CWF19L2: variants seen among roughly 807,000 people sequenced by gnomAD.
CWF19L2 encodes the protein CWF19 like cell cycle control factor 2, also known as CWF19-like protein 2.
CWF19L2 carries 98 observed loss-of-function variants against 111.7 expected under a neutral mutation model. The observed-to-expected ratio is 0.88, with a 90% CI of 0.75 to 1.04. CWF19L2 has a LOEUF of 1.04. CWF19L2 is among the 50% of genes least tolerant of loss of function. The pLI is 0.00. For missense variants in CWF19L2, 1,101 were observed against 1,051.4 expected, an observed-to-expected ratio of 1.05 and a Z score of -0.65; for synonymous variants, 351 against 342.9, an observed-to-expected ratio of 1.02 and a Z score of -0.26.
At chr11:107,449,809 T>C (rs1455942115) in intron 3 of CWF19L2, among the ~76,000 whole-genome samples, 3 of 151,084 alleles carry the variant, frequency 2.0e-5, no homozygotes, top group Non-Finnish European at 4.4e-5. Context: ...AAAGAAAAAA[T>C]AGAAAAGGAA....
At chr11:107,457,585 A>G in intron 1 of CWF19L2, 127 bp downstream of exon 1, 2 of 662,086 alleles carry the variant, frequency 3.0e-6, no homozygotes, top group Admixed American at 5.6e-5. Flanking sequence ...TTGCAAAGGG[A>G]GAACTCACCC....
chr11:107,403,484 T>C (rs771564009), intron 10 of CWF19L2: 3 of 832,810 alleles, frequency 3.6e-6, no homozygotes, highest in Non-Finnish European at 6.3e-6. Flanking sequence ...AGTGTTACTA[T>C]CACTGGTTCC....
At chr11:107,381,527 G>A (rs1350475916) in intron 12 of CWF19L2, among the ~76,000 whole-genome samples, 1 of 152,044 alleles carries the variant, frequency 6.6e-6, no homozygotes, top group Non-Finnish European at 1.5e-5. Context: ...GATATCACAG[G>A]AACATATAAA....
At chr11:107,343,069 T>C (rs1480785006) in intron 14 of CWF19L2, among the ~76,000 whole-genome samples, 7 of 152,120 alleles carry the variant, frequency 4.6e-5, no homozygotes, top group African/African-American at 1.4e-4. Flanking sequence ...CATAAGAAAA[T>C]ACACTTCTAC....
chr11:107,426,259 C>G (rs1285987339), intron 8 of CWF19L2, among the ~76,000 whole-genome samples: 1 of 151,712 alleles, frequency 6.6e-6, no homozygotes, highest in Non-Finnish European at 1.5e-5. Flanking sequence ...TGGCAAACTT[C>G]ACTCATATTT....
At chr11:107,357,339 T>C (rs142128153) in intron 12 of CWF19L2, among the ~76,000 whole-genome samples, 40 of 152,304 alleles carry the variant, frequency 2.6e-4, no homozygotes, top group African/African-American at 9.4e-4. Context: ...TACTTAACAG[T>C]GGGAACGCAG....
chr11:107,356,747 CTG>C (rs1030772138), intron 12 of CWF19L2, among the ~76,000 whole-genome samples: 6 of 152,112 alleles, frequency 3.9e-5, no homozygotes, highest in Non-Finnish European at 7.4e-5. Context: ...AGATTAAAAA[CTG>C]AGGCTAGGCC....
chr11:107,434,262 G>A (rs570322865), intron 6 of CWF19L2, among the ~76,000 whole-genome samples: 5 of 151,884 alleles, frequency 3.3e-5, no homozygotes, highest in East Asian at 1.9e-4. Context: ...AACAAATAAG[G>A]AGGCTATGGA....
At chr11:107,424,286 TG>T (rs1178000495) in intron 8 of CWF19L2, among the ~76,000 whole-genome samples, 2 of 151,654 alleles carry the variant, frequency 1.3e-5, no homozygotes, top group Non-Finnish European at 3.0e-5. Context: ...CTTGCTCAGT[TG>T]CCCCATCTAT....
At chr11:107,349,107 A>T in intron 13 of CWF19L2, 54 bp from the exon 14 acceptor site, 1 of 873,128 alleles carries the variant, frequency 1.1e-6, no homozygotes, top group Non-Finnish European at 1.7e-6. Context: ...TATGTTATAT[A>T]TTTATATGTT....
intron 16 of CWF19L2, among the ~76,000 whole-genome samples, chr11:107,330,627 T>C (rs1292940239): frequency 2.1e-5 from 3 of 140,426 alleles, no homozygotes; most frequent in Non-Finnish European, 1.5e-5. Context: ...TTTCTCTCTC[T>C]ACACACACCC....
At chr11:107,378,767 TAA>T (rs1263771303) in intron 12 of CWF19L2, among the ~76,000 whole-genome samples, 1 of 151,704 alleles carries the variant, frequency 6.6e-6, no homozygotes, top group African/African-American at 2.4e-5. Context: ...TAAAGTATAA[TAA>T]TAATAAATAA....
chr11:107,359,307 A>G (rs1175630750), intron 12 of CWF19L2, among the ~76,000 whole-genome samples: 2 of 152,210 alleles, frequency 1.3e-5, no homozygotes, highest in Non-Finnish European at 2.9e-5. Flanking sequence ...CTGGCATGCC[A>G]TGCTTCTGCC....
At chr11:107,402,368 C>A (rs1278129356) in intron 10 of CWF19L2, among the ~76,000 whole-genome samples, 2 of 150,776 alleles carry the variant, frequency 1.3e-5, no homozygotes, top group Admixed American at 6.6e-5. Flanking sequence ...CTACAACGAA[C>A]TCAAACAAAT....
Position 107,326,765 on chromosome 11 carries a change from C to T in CWF19L2, c.*145G>A, listed in dbSNP as rs1309218935. 2 of 563,696 alleles carry T rather than the reference C, an allele frequency of 3.5e-6. No homozygotes were observed. The highest frequency in any genetic ancestry group is 6.0e-6 in the Non-Finnish European group (2 of 331,866). 34.9% of individuals were successfully genotyped at this position (563,696 alleles called of 1,614,324 possible). A position where few individuals can be genotyped will look rare whatever the true frequency, so the allele number is the denominator to read the frequency against. On this transcript the variant is annotated 3_prime_UTR_variant, in exon 18 of 18. Coordinates refer to ENST00000282251, the MANE Select transcript of CWF19L2 (RefSeq NM_152434.3). ...GGTGAAGAAGAAAACAACACAATCT[C>T]CTGATGTACAGTTGTCACTGACCCA...
At chr11:107,343,521 A>T (rs1196707608) in intron 14 of CWF19L2, among the ~76,000 whole-genome samples, 3 of 152,236 alleles carry the variant, frequency 2.0e-5, no homozygotes, top group Admixed American at 1.3e-4. Flanking sequence ...TGCAGACAGC[A>T]TATAGTTATG....
intron 9 of CWF19L2, 32 bp from the exon 10 acceptor site, chr11:107,416,330 G>A (rs747613461): frequency 9.4e-6 from 9 of 960,094 alleles, no homozygotes; most frequent in Middle Eastern, 2.4e-4. Context: ...AAATATGTGC[G>A]ATATGTAGTT....
At chr11:107,338,193 C>A (rs1229257180) in intron 14 of CWF19L2, among the ~76,000 whole-genome samples, 1 of 152,106 alleles carries the variant, frequency 6.6e-6, no homozygotes, top group Admixed American at 6.6e-5. Flanking sequence ...CCATTAGCCA[C>A]CTGAGTAGCT....
At chr11:107,339,044 G>T (rs373465133) in intron 14 of CWF19L2, among the ~76,000 whole-genome samples, 4 of 152,114 alleles carry the variant, frequency 2.6e-5, no homozygotes, top group Non-Finnish European at 4.4e-5. Flanking sequence ...GTGTATAAGC[G>T]TTCCTTTTTC....
Sources: allele counts gnomAD v4.1 joint callset (sites outside exome capture counted in the v4.1 genomes callset), GRCh38; gene constraint gnomAD v4.1.1; transcripts MANE v1.5; gene names NCBI Gene and HGNC (gene_info 2026-07-23, HGNC 2026-07-21).